Variants in RPTOR observed in about 807,000 individuals in gnomAD.
The protein encoded by RPTOR is regulatory associated protein of MTOR complex 1.
In RPTOR, 21 loss-of-function variants were observed where a neutral mutation model predicts 169.9. The observed-to-expected ratio is 0.12, with a 90% CI of 0.09 to 0.18. The LOEUF is 0.18. Ranked by LOEUF, RPTOR falls within the 10% of genes least tolerant of loss-of-function variation. The probability of loss-of-function intolerance (pLI) is 1.00; values close to 1 mark genes in which losing one functional copy is unlikely to be tolerated. For synonymous variants in RPTOR, 732 were observed against 753.2 expected (o/e 0.97, Z 0.46); for missense variants, 1,133 against 1,855.9 (o/e 0.61, Z 7.16).
chr17:80,825,985 G>T (rs2067438402), intron 9 of RPTOR, among the ~76,000 whole-genome samples: 1 of 152,174 alleles, frequency 6.6e-6, no homozygotes, highest in Non-Finnish European at 1.5e-5. Context: ...AGCGGTGGAG[G>T]GGTGGGCGGA....
chr17:80,893,293 C>G (rs1419101464), intron 19 of RPTOR, among the ~76,000 whole-genome samples: 1 of 117,008 alleles, frequency 8.5e-6, no homozygotes, highest in African/African-American at 3.3e-5. Context: ...GGTGTGTGTG[C>G]GCCGGGTGTG....
intron 20 of RPTOR, among the ~76,000 whole-genome samples, chr17:80,900,514 C>G (rs1418129353): frequency 6.6e-6 from 1 of 152,186 alleles, no homozygotes; most frequent in Non-Finnish European, 1.5e-5. Flanking sequence ...CAAAGTTTCT[C>G]CAAGTTGGTC....
chr17:80,854,624 T>C (rs2067832585), intron 11 of RPTOR, among the ~76,000 whole-genome samples: 1 of 152,268 alleles, frequency 6.6e-6, no homozygotes, highest in South Asian at 2.1e-4. Context: ...CCAGGCATGA[T>C]GGCCCACGCC....
chr17:80,586,876 T>TC (rs1304089623), intron 1 of RPTOR, among the ~76,000 whole-genome samples: 13 of 152,248 alleles, frequency 8.5e-5, no homozygotes, highest in Non-Finnish European at 1.9e-4. Context: ...TGATAGCTGT[T>TC]CCTGTTCCTT....
At chr17:80,838,116 T>C (rs1168013768) in intron 10 of RPTOR, 119 bp downstream of exon 10, 1 of 753,034 alleles carries the variant, frequency 1.3e-6, no homozygotes, top group African/African-American at 1.8e-5. Context: ...CAGATTTTGT[T>C]CACCTGCCTG....
At chr17:80,777,199 T>C (rs2066899558) in intron 6 of RPTOR, among the ~76,000 whole-genome samples, 1 of 148,772 alleles carries the variant, frequency 6.7e-6, no homozygotes, top group African/African-American at 2.5e-5. Context: ...ATGGCATCAT[T>C]GCACTCCCAG....
chr17:80,724,818 C>T (rs757607433), intron 4 of RPTOR, among the ~76,000 whole-genome samples: 19 of 152,286 alleles, frequency 1.2e-4, no homozygotes, highest in Middle Eastern at 3.4e-3. Context: ...GAGAAGAAGC[C>T]GCCCCCACGA....
chr17:80,742,609 CCA>C (rs906020574), intron 5 of RPTOR, among the ~76,000 whole-genome samples: 2 of 151,322 alleles, frequency 1.3e-5, no homozygotes, highest in East Asian at 3.9e-4. Context: ...TGCATAGATG[CCA>C]CACACATACA....
intron 3 of RPTOR, among the ~76,000 whole-genome samples, chr17:80,700,728 T>TAGA (rs2066088832): frequency 1.2e-5 from 1 of 84,058 alleles, no homozygotes; most frequent in African/African-American, 4.3e-5. Context: ...GTGGTGGTGG[T>TAGA]GATGATGGTG....
intron 12 of RPTOR, 53 bp downstream of exon 12, chr17:80,855,600 G>A: frequency 7.5e-7 from 1 of 1,324,752 alleles, no homozygotes; most frequent in Non-Finnish European, 1.1e-6. Flanking sequence ...ACAGAGATTA[G>A]GCTCCGTGTT....
At chr17:80,638,605 G>A (rs2065527985) in intron 2 of RPTOR, among the ~76,000 whole-genome samples, 1 of 151,824 alleles carries the variant, frequency 6.6e-6, no homozygotes, top group South Asian at 2.1e-4. Context: ...GTCTCATTTT[G>A]TTGCCCAGGT....
chr17:80,615,979 G>A (rs2065306804), intron 1 of RPTOR, among the ~76,000 whole-genome samples: 1 of 152,068 alleles, frequency 6.6e-6, no homozygotes, highest in Non-Finnish European at 1.5e-5. Flanking sequence ...CAGAAGGCTG[G>A]TACAGAAGCA....
intron 3 of RPTOR, among the ~76,000 whole-genome samples, chr17:80,701,979 G>T (rs2066104746): frequency 6.6e-6 from 1 of 152,108 alleles, no homozygotes; most frequent in Admixed American, 6.5e-5. Flanking sequence ...CCGCCACGAG[G>T]GCCACTGGGA....
In RPTOR at chr17:80,730,621, C is replaced by T. The variant is rs2066382975; in HGVS notation, c.569C>T (p.Ser190Leu). ...CTGCAGACGTGGATGGGCAGCCCGT[C>T]GATCTTCGTCTACGACTGCTCCAAT... ...YDLQTWMGSP[S>L]IFVYDCSNAG... Residue 190 changes from serine to leucine, a missense_variant, in exon 5 of 34, where the codon TCG (serine) becomes TTG (leucine). Transcript: ENST00000306801. The surrounding 1 kb of genome is among the most constrained non-coding windows in gnomAD (Gnocchi z 4.2). 1 of 1,614,146 alleles carries T rather than the reference C, an allele frequency of 6.2e-7. No individual in the cohort carries two copies. Among genetic ancestry groups the T allele is most frequent in the Non-Finnish European group, 8.5e-7 (1 of 1,180,028 alleles).
intron 2 of RPTOR, among the ~76,000 whole-genome samples, chr17:80,631,938 C>G (rs2065445397): frequency 6.6e-6 from 1 of 152,130 alleles, no homozygotes; most frequent in Non-Finnish European, 1.5e-5. Context: ...GACCCTGTCT[C>G]AAAAAACCCC....
At chr17:80,813,979 C>CA (rs912839011) in intron 7 of RPTOR, among the ~76,000 whole-genome samples, 1 of 152,070 alleles carries the variant, frequency 6.6e-6, no homozygotes, top group African/African-American at 2.4e-5. Context: ...ACCAAAAATA[C>CA]AAAAAATTAG....
At chr17:80,812,253 C>T (rs764942964) in intron 7 of RPTOR, among the ~76,000 whole-genome samples, 4 of 152,182 alleles carry the variant, frequency 2.6e-5, no homozygotes, top group Non-Finnish European at 4.4e-5. Context: ...CTGTGCCTGG[C>T]GGCTCCATTA....
At chr17:80,667,971 A>G (rs1472735484) in intron 3 of RPTOR, among the ~76,000 whole-genome samples, 1 of 152,232 alleles carries the variant, frequency 6.6e-6, no homozygotes, top group Non-Finnish European at 1.5e-5. Flanking sequence ...CGTGGGCAGA[A>G]CGACCTTCAG....
intron 3 of RPTOR, among the ~76,000 whole-genome samples, chr17:80,697,665 G>A (rs1326230899): frequency 6.6e-6 from 1 of 152,246 alleles, no homozygotes; most frequent in Non-Finnish European, 1.5e-5. Context: ...GAGGCATGGA[G>A]TCATGAGAGA....
Sources: allele counts gnomAD v4.1 joint callset (sites outside exome capture counted in the v4.1 genomes callset), GRCh38; gene constraint gnomAD v4.1.1; non-coding constraint Gnocchi (gnomAD v3.1); transcripts MANE v1.5; gene names NCBI Gene and HGNC (gene_info 2026-07-23, HGNC 2026-07-21).